ENGASE: variants seen among roughly 807,000 people sequenced by gnomAD.
The protein encoded by ENGASE is cytosolic endo-beta-N-acetylglucosaminidase.
Under a neutral mutation model 78.5 loss-of-function variants are expected in ENGASE, and 69 were observed. The ratio of observed to expected loss-of-function variants is 0.88; its 90% CI spans 0.72 to 1.07. The LOEUF (loss-of-function observed/expected upper bound fraction) is 1.07. ENGASE is among the 50% of genes least tolerant of loss of function. ENGASE has a pLI of 0.00. For synonymous variants in ENGASE, 408 were observed against 408.9 expected (o/e 1.00, Z 0.03); for missense variants, 943 against 988.4 (o/e 0.95, Z 0.62).
In ENGASE at chr17:79,087,293, G is replaced by A. The variant is rs979890962; in HGVS notation, c.*944G>A. 8 of 336,934 alleles carry A rather than the reference G, an allele frequency of 2.4e-5. No individual in the cohort carries two copies. The highest frequency in any genetic ancestry group is 3.6e-5 in the Non-Finnish European group (6 of 168,380). The allele number at this position is 336,934 out of a possible 1,614,324, so 20.9% of individuals were successfully genotyped here. A position where few individuals can be genotyped will look rare whatever the true frequency, so the allele number is the denominator to read the frequency against. The stretch of plus-strand genomic sequence containing the variant: ...TTTTCCAGCTACTCTGTTCCTTCAC[G>A]TCCTCCCTTCTCAGCCTCGTCCAAG... On this transcript the variant is annotated 3_prime_UTR_variant, in exon 14 of 14. Transcript: ENST00000579016.
chr17:79,082,360 T>C, intron 7 of ENGASE: 1 of 1,303,022 alleles, frequency 7.7e-7, no homozygotes, highest in Non-Finnish European at 9.9e-7. Flanking sequence ...GGGCCTCCTG[T>C]CCCAGCTGCG....
chr17:79,082,045 CCGATTCGA>C lies in ENGASE; in HGVS notation c.1022_1029del (p.Arg341HisfsTer25), dbSNP rs1387588601. Reference sequence around the variant, plus strand: ...TTGCTCGAGGGAACGTGGTCGGAGGCCGATTCGACACAGACAAGGTGGGTGGTGGCTTT... The same window carrying C: ...TTGCTCGAGGGAACGTGGTCGGAGGCCACAGACAAGGTGGGTGGTGGCTTT... On this transcript the variant is annotated frameshift_variant, in exon 7 of 14. Transcript: ENST00000579016. LOFTEE classifies it high-confidence loss of function. 1.2e-6 allele frequency: 2 copies of C among 1,614,094 alleles called. No homozygotes were observed. The highest frequency in any genetic ancestry group is 1.7e-6 in the Non-Finnish European group (2 of 1,180,024).
intron 12 of ENGASE, 104 bp from the exon 13 acceptor site, chr17:79,085,516 C>G: frequency 6.6e-7 from 1 of 1,510,298 alleles, no homozygotes. Context: ...TCCCCCATGA[C>G]CCTGGGATGC....
In ENGASE at chr17:79,085,216, C is replaced by T. The variant is rs530165097; in HGVS notation, c.1592-18C>T. 9 of 1,597,086 alleles carry T rather than the reference C, an allele frequency of 5.6e-6. No individual in the cohort carries two copies. The South Asian group carries it at 8.8e-5, about 16-fold the overall frequency. On this transcript the variant is annotated intron_variant, in intron 11 of 13. Coordinates refer to ENST00000579016, the MANE Select transcript of ENGASE (RefSeq NM_001042573.3). ...CTTTGAGATTCTCCTTTTTCAAGTT[C>T]CGTGTCTCCTTCTGCAGCAGAAACA...
In ENGASE at chr17:79,083,849, G is replaced by C. The variant is rs753156606; in HGVS notation, c.1340G>C (p.Gly447Ala). The C allele has an allele frequency of 5.0e-6, 8 of 1,612,842 alleles. No individual in the cohort carries two copies. Among genetic ancestry groups the C allele is most frequent in the Middle Eastern group, 1.7e-4 (1 of 5,982 alleles). The change falls in exon 10 of 14, where the codon GGC (glycine) becomes GCC (alanine). Residue 447 changes from glycine (G) to alanine (A), a missense_variant. Physicochemically the swap from Gly to Ala is moderately conservative, Grantham distance 60 (BLOSUM62 0). Coordinates refer to ENST00000579016, the MANE Select transcript of ENGASE (RefSeq NM_001042573.3). The surrounding 1 kb of genome is among the most constrained non-coding windows in gnomAD (Gnocchi z 4.9). ...CACAGGCTGGGAGGGGATGGCCGGG[G>C]CTGGGTGAGGACGCACTGCTGCCTG... ...GEHRLGGDGR[G>A]WVRTHCCLED... is the part of the protein sequence containing the mutation.
chr17:79,082,995 C>T, intron 7 of ENGASE, 25 bp from the exon 8 acceptor site: 4 of 1,610,410 alleles, frequency 2.5e-6, no homozygotes, highest in East Asian at 2.2e-5. Context: ...CCTGATGTGC[C>T]CAGCGTCTCC....
At chr17:79,085,160 C>T (rs541273416) in intron 11 of ENGASE, 74 bp from the exon 12 acceptor site, 15 of 1,194,626 alleles carry the variant, frequency 1.3e-5, no homozygotes, top group South Asian at 3.7e-5. Flanking sequence ...ACTCCTGGGG[C>T]GCCCTTGGTG....
Position 79,080,918 on chromosome 17 carries a change from C to A in ENGASE, c.724-7C>A. ...ACTGAGGCTCTCACCTTGTTCTTCT[C>A]TTTCAGCTGGCCGCTGTGGGGAACA... On this transcript the variant is annotated splice_polypyrimidine_tract_variant and splice_region_variant and intron_variant, in intron 5 of 13. Transcript: ENST00000579016. The A allele has an allele frequency of 6.2e-7, 1 of 1,608,830 alleles. No individual in the cohort carries two copies. Among genetic ancestry groups the A allele is most frequent in the South Asian group, 1.1e-5 (1 of 90,468 alleles).
intron 5 of ENGASE, 142 bp downstream of exon 5, chr17:79,080,506 G>A: frequency 1.1e-6 from 1 of 926,786 alleles, no homozygotes; most frequent in South Asian, 1.5e-5. Flanking sequence ...CTCCCAGGCA[G>A]TGCCAACTCT....
intron 3 of ENGASE, among the ~76,000 whole-genome samples, chr17:79,079,035 C>T (rs1044037669): frequency 6.6e-6 from 1 of 152,226 alleles, no homozygotes; most frequent in Non-Finnish European, 1.5e-5. Flanking sequence ...TGCCTCTCTC[C>T]CTGCCTGCAC....
At chr17:79,075,673 C>T (rs62063773) in intron 1 of ENGASE, 74,056 of 985,224 alleles carry the variant, frequency 0.075, 3,104 homozygotes, top group Non-Finnish European at 0.082. Flanking sequence ...CGGTAAACTC[C>T]CCCTCAGTAG....
At chr17:79,082,402 G>A (rs377718617) in intron 7 of ENGASE, 6 of 1,243,844 alleles carry the variant, frequency 4.8e-6, no homozygotes, top group East Asian at 4.8e-5. Context: ...GGAAGCCTGC[G>A]GGGACGCACA....
In ENGASE at chr17:79,085,265, C is replaced by A. The variant is rs1347554976; in HGVS notation, c.1623C>A (p.Pro541=). 1 of 1,613,468 alleles carries A rather than the reference C, an allele frequency of 6.2e-7. No individual in the cohort carries two copies. Among genetic ancestry groups the A allele is most frequent in the Non-Finnish European group, 8.5e-7 (1 of 1,179,992 alleles). Residue 541 remains proline, a synonymous_variant, in exon 12 of 14, where the codon CCC becomes CCA. Coordinates refer to ENST00000579016, the MANE Select transcript of ENGASE (RefSeq NM_001042573.3). ...AETSSRHSLR[P]LRVPPTKLAR... ...CAAGCTCAAGACACAGCCTCCGACC[C>A]CTCCGGGTGCCCCCCACCAAGCTGG...
In ENGASE at chr17:79,077,427, T is replaced by C. The variant is rs372861467; in HGVS notation, c.147-3T>C. 64 of 1,594,688 alleles carry C rather than the reference T, an allele frequency of 4.0e-5. No individual in the cohort carries two copies. The African/African-American group carries it at 6.9e-4, about 17-fold the overall frequency. On this transcript the variant is annotated splice_region_variant and splice_polypyrimidine_tract_variant and intron_variant, in intron 1 of 13. Coordinates refer to ENST00000579016, the MANE Select transcript of ENGASE (RefSeq NM_001042573.3). ...ATAAATGTACAACTCCCTCTTTGCTTAGCATCAAAGATGAAGAAGAAGAGA... is the reference window on the plus strand; with the variant it reads ...ATAAATGTACAACTCCCTCTTTGCTCAGCATCAAAGATGAAGAAGAAGAGA...
chr17:79,079,756 G>A, intron 4 of ENGASE, 119 bp downstream of exon 4: 1 of 1,347,716 alleles, frequency 7.4e-7, no homozygotes, highest in South Asian at 1.4e-5. Flanking sequence ...CCCTCGCTGG[G>A]GGCCGCCTTG....
chr17:79,078,160 C>T (rs972031612), intron 3 of ENGASE, among the ~76,000 whole-genome samples: 5 of 151,974 alleles, frequency 3.3e-5, no homozygotes, highest in Middle Eastern at 3.2e-3. Flanking sequence ...GCCAACATGG[C>T]GAAACTCTGC....
chr17:79,085,681 C>A lies in ENGASE; in HGVS notation c.1762C>A (p.Pro588Thr). ...AGACCTCCTCGTTTGCTTCTCACGG[C>A]CGCCGGGTAGTCGGGAGGAGGAGAG... ...LLDLLVCFSR[P>T]PGSREEESFT... The change falls in exon 13 of 14, where the codon CCG (proline) becomes ACG (threonine). Residue 588 changes from proline to threonine, a missense_variant. Pro to Thr is a conservative substitution (Grantham distance 38). Coordinates refer to ENST00000579016, the MANE Select transcript of ENGASE (RefSeq NM_001042573.3). 1.9e-6 allele frequency: 3 copies of A among 1,613,992 alleles called. No individual in the cohort carries two copies. Among genetic ancestry groups the A allele is most frequent in the Non-Finnish European group, 2.5e-6 (3 of 1,180,016 alleles).
Position 79,085,644 on chromosome 17 carries a change from G to T in ENGASE, c.1725G>T (p.Gly575=), listed in dbSNP as rs199565315. The T allele has an allele frequency of 1.0e-3, 1,674 of 1,613,932 alleles. 3 individuals are homozygous for T. The highest frequency in any genetic ancestry group is 2.5e-3 in the Admixed American group (148 of 60,028). Residue 575 remains glycine (G), a synonymous_variant, in exon 13 of 14, where the codon GGG becomes GGT. Coordinates refer to ENST00000579016, the MANE Select transcript of ENGASE (RefSeq NM_001042573.3). The part of the protein sequence containing the change: ...VQHCYEVSLR[G]CLLLDLLVCF... ...GCTGCTACGAGGTGAGCCTGCGTGG[G>T]TGCCTGCTGCTAGACCTCCTCGTTT...
intron 4 of ENGASE, among the ~76,000 whole-genome samples, 196 bp from the exon 5 acceptor site, chr17:79,080,011 G>A (rs891297180): frequency 2.5e-4 from 38 of 152,370 alleles, no homozygotes; most frequent in South Asian, 1.9e-3. Context: ...AATCCCGATC[G>A]TTGATGGGCT....
Sources: gnomAD v4.1 joint callset for allele counts (sites outside exome capture counted in the v4.1 genomes callset) on GRCh38, gnomAD v4.1.1 for gene constraint, Gnocchi (gnomAD v3.1) non-coding constraint, MANE v1.5 for transcripts, NCBI Gene and HGNC (gene_info 2026-07-23, HGNC 2026-07-21) for gene names.